The following AGBL4 variants were observed in gnomAD, a reference collection of about 807,000 sequenced individuals.
AGBL4 encodes the protein cytosolic carboxypeptidase 6.
In AGBL4, 58 loss-of-function variants were observed where a neutral mutation model predicts 66.4. The observed-to-expected ratio is 0.87, with a 90% CI of 0.71 to 1.09. AGBL4 has a LOEUF of 1.09. Among genes scored for constraint, AGBL4 ranks in the 50% least tolerant of loss-of-function variants. AGBL4 has a pLI of 0.00. For synonymous variants in AGBL4, 234 were observed against 222.9 expected (o/e 1.05, Z -0.44); for missense variants, 579 against 631.0 (o/e 0.92, Z 0.88).
intron 4 of AGBL4, among the ~76,000 whole-genome samples, chr1:49,159,609 T>C (rs530732651): frequency 2.6e-5 from 4 of 152,288 alleles, no homozygotes; most frequent in Non-Finnish European, 5.9e-5. Flanking sequence ...TGTTGGCCTG[T>C]CTTGCTAGGT....
intron 2 of AGBL4, among the ~76,000 whole-genome samples, chr1:49,766,680 A>G (rs1260934992): frequency 6.6e-6 from 1 of 152,046 alleles, no homozygotes; most frequent in Non-Finnish European, 1.5e-5. Context: ...CACTATCTTC[A>G]AGAAACCTAG....
At chr1:49,098,483 G>A (rs575753695) in intron 4 of AGBL4, among the ~76,000 whole-genome samples, 11 of 152,312 alleles carry the variant, frequency 7.2e-5, no homozygotes, top group South Asian at 4.1e-4. Context: ...GGAAAATGCC[G>A]GAAGAGTAAC....
chr1:49,233,462 T>A (rs1650483321), intron 4 of AGBL4, among the ~76,000 whole-genome samples: 1 of 152,198 alleles, frequency 6.6e-6, no homozygotes, highest in Admixed American at 6.5e-5. Flanking sequence ...CTGGCAGAAC[T>A]GGGATACTTG....
At chr1:48,937,326 T>C (rs1655565174) in intron 5 of AGBL4, among the ~76,000 whole-genome samples, 1 of 152,174 alleles carries the variant, frequency 6.6e-6, no homozygotes, top group Admixed American at 6.5e-5. Flanking sequence ...GAGTTATTAT[T>C]ATAATAACCA....
intron 1 of AGBL4, among the ~76,000 whole-genome samples, chr1:49,880,912 G>A (rs1647230394): frequency 1.3e-5 from 2 of 152,064 alleles, no homozygotes; most frequent in Non-Finnish European, 2.9e-5. Context: ...GGGTGGGAGT[G>A]ACCCGATTTT....
At chr1:49,229,850 G>A (rs1429091508) in intron 4 of AGBL4, among the ~76,000 whole-genome samples, 1 of 152,130 alleles carries the variant, frequency 6.6e-6, no homozygotes, top group Non-Finnish European at 1.5e-5. Flanking sequence ...CATGCCTGGT[G>A]TGAAGGATAA....
chr1:48,939,693 T>C (rs1249287022), intron 5 of AGBL4, among the ~76,000 whole-genome samples: 2 of 152,206 alleles, frequency 1.3e-5, no homozygotes, highest in African/African-American at 4.8e-5. Context: ...CTTCTAGGTT[T>C]GTCCTTTCCC....
chr1:48,882,568 A>G lies in AGBL4; in HGVS notation c.595-15338T>C, dbSNP rs192168583. Among the ~76,000 whole-genome samples, 215 of 152,282 alleles carry G rather than the reference A, an allele frequency of 1.4e-3. 5 individuals are homozygous for G. The highest frequency in any genetic ancestry group is 4.1e-4 in the Non-Finnish European group (28 of 68,022). On this transcript the variant is annotated intron_variant, in intron 5 of 13. Coordinates refer to ENST00000371839, the MANE Select transcript of AGBL4 (RefSeq NM_032785.4). ...TGAATGTCCTTACCACAAAAAAAGT[A>G]AGTATGTGAGAGACAGATATGATAA... is the stretch of plus-strand genomic sequence containing the variant.
At chr1:49,743,442 T>G (rs1341597701) in intron 2 of AGBL4, among the ~76,000 whole-genome samples, 3 of 152,206 alleles carry the variant, frequency 2.0e-5, no homozygotes, top group African/African-American at 7.2e-5. Context: ...GGAACACTTT[T>G]ACACTGTTGG....
At chr1:49,467,713 G>T (rs933650038) in intron 3 of AGBL4, among the ~76,000 whole-genome samples, 3 of 151,872 alleles carry the variant, frequency 2.0e-5, no homozygotes, top group African/African-American at 7.2e-5. Flanking sequence ...AAATTAAGGT[G>T]TTGGACTTCA....
intron 5 of AGBL4, among the ~76,000 whole-genome samples, chr1:48,976,275 G>A (rs913885133): frequency 2.6e-5 from 4 of 152,050 alleles, no homozygotes; most frequent in Non-Finnish European, 5.9e-5. Flanking sequence ...TCCAAGTTCT[G>A]GCTTGATGGA....
chr1:49,285,743 C>T (rs1377879643), intron 3 of AGBL4, among the ~76,000 whole-genome samples: 1 of 152,140 alleles, frequency 6.6e-6, no homozygotes, highest in Non-Finnish European at 1.5e-5. Flanking sequence ...CTACAAACAC[C>T]TCTACGCAAA....
intron 3 of AGBL4, among the ~76,000 whole-genome samples, chr1:49,653,190 T>C (rs750879385): frequency 3.3e-5 from 5 of 151,888 alleles, no homozygotes; most frequent in African/African-American, 7.3e-5. Flanking sequence ...GTGAATAGGG[T>C]CTGGAGTGGA....
chr1:48,842,789 T>C (rs1646833843), intron 6 of AGBL4, among the ~76,000 whole-genome samples: 1 of 152,140 alleles, frequency 6.6e-6, no homozygotes, highest in Non-Finnish European at 1.5e-5. Context: ...GAGGGATGAA[T>C]AGATAAGCAA....
At chr1:48,858,815 A>G (rs999607341) in intron 6 of AGBL4, among the ~76,000 whole-genome samples, 3 of 152,104 alleles carry the variant, frequency 2.0e-5, no homozygotes, top group Non-Finnish European at 4.4e-5. Flanking sequence ...TTTAATGAGG[A>G]TTTTATGGCA....
At chr1:48,852,786 C>T (rs184146172) in intron 6 of AGBL4, among the ~76,000 whole-genome samples, 3 of 152,132 alleles carry the variant, frequency 2.0e-5, no homozygotes, top group Non-Finnish European at 4.4e-5. Context: ...TCTCAAAAAG[C>T]GAGGCTAGGC....
intron 4 of AGBL4, among the ~76,000 whole-genome samples, chr1:49,086,529 C>A (rs1215529601): frequency 2.0e-5 from 3 of 152,034 alleles, no homozygotes; most frequent in Non-Finnish European, 2.9e-5. Context: ...GACAACAGAG[C>A]AGACAACCCC....
intron 6 of AGBL4, chr1:48,818,209 G>C (rs1484390090): frequency 1.4e-6 from 1 of 717,412 alleles, no homozygotes; most frequent in Non-Finnish European, 2.6e-6. Context: ...GATTTCACCA[G>C]CTCCATCTTC....
intron 3 of AGBL4, among the ~76,000 whole-genome samples, chr1:49,313,919 G>A (rs941966916): frequency 6.6e-6 from 1 of 152,120 alleles, no homozygotes; most frequent in Non-Finnish European, 1.5e-5. Flanking sequence ...TGCTTTTGGT[G>A]TTTTATTCAT....
Sources: gnomAD v4.1 joint callset for allele counts (sites outside exome capture counted in the v4.1 genomes callset) on GRCh38, gnomAD v4.1.1 for gene constraint, MANE v1.5 for transcripts, NCBI Gene and HGNC (gene_info 2026-07-23, HGNC 2026-07-21) for gene names.